Variants in CFAP299 observed in about 807,000 individuals in gnomAD.
The protein encoded by CFAP299 is cilia- and flagella-associated protein 299.
In CFAP299, 21 loss-of-function variants were observed where a neutral mutation model predicts 27.0. The ratio of observed to expected loss-of-function variants is 0.78; its 90% CI spans 0.55 to 1.12. The LOEUF (loss-of-function observed/expected upper bound fraction) is 1.12, where lower values mean the gene tolerates loss of function less well. Ranked by LOEUF, CFAP299 falls within the 50% of genes most tolerant of loss-of-function variation. The pLI is 0.00. For missense variants in CFAP299, 310 were observed against 276.6 expected (o/e 1.12, Z -0.86); for synonymous variants, 104 against 98.1 (o/e 1.06, Z -0.36).
At chr4:80,500,301 C>CA (rs1731678199) in intron 2 of CFAP299, among the ~76,000 whole-genome samples, 1 of 152,128 alleles carries the variant, frequency 6.6e-6, no homozygotes, top group South Asian at 2.1e-4. Flanking sequence ...TGGCATCTGC[C>CA]ATTCCATGGA....
intron 3 of CFAP299, chr4:80,608,405 G>A: frequency 3.4e-6 from 5 of 1,485,140 alleles, no homozygotes; most frequent in Non-Finnish European, 9.1e-7. Context: ...TTATGGAAAA[G>A]TTTCCTTTAC....
chr4:80,521,236 C>G (rs1239288340), intron 2 of CFAP299, among the ~76,000 whole-genome samples: 1 of 151,970 alleles, frequency 6.6e-6, no homozygotes, highest in African/African-American at 2.4e-5. Flanking sequence ...AGACATTTCC[C>G]CAAATGAGAT....
At chr4:80,465,249 A>G (rs1234195594) in intron 2 of CFAP299, among the ~76,000 whole-genome samples, 1 of 152,246 alleles carries the variant, frequency 6.6e-6, no homozygotes, top group African/African-American at 2.4e-5. Flanking sequence ...TAATTTGGAT[A>G]ACTCAATTAA....
chr4:80,503,033 G>A (rs943336143), intron 2 of CFAP299, among the ~76,000 whole-genome samples: 1 of 152,152 alleles, frequency 6.6e-6, no homozygotes, highest in African/African-American at 2.4e-5. Context: ...GAAGGCAGTG[G>A]TGGAAATAAT....
At chr4:80,674,213 C>G (rs1487906585) in intron 3 of CFAP299, among the ~76,000 whole-genome samples, 1 of 152,060 alleles carries the variant, frequency 6.6e-6, no homozygotes, top group African/African-American at 2.4e-5. Flanking sequence ...TTAGGGCAGG[C>G]CTGGTGGTGA....
At chr4:80,945,326 C>A (rs1174810470) in intron 5 of CFAP299, among the ~76,000 whole-genome samples, 3 of 152,044 alleles carry the variant, frequency 2.0e-5, no homozygotes. Context: ...ACATTTGTAC[C>A]CAGAATTCTA....
intron 2 of CFAP299, among the ~76,000 whole-genome samples, chr4:80,456,575 CTT>C (rs1444982502): frequency 6.6e-6 from 1 of 152,044 alleles, no homozygotes; most frequent in Non-Finnish European, 1.5e-5. Flanking sequence ...TCAAGGATGA[CTT>C]TGGTTTTACC....
At chr4:80,591,487 C>T (rs112823756) in intron 3 of CFAP299, among the ~76,000 whole-genome samples, 24 of 152,228 alleles carry the variant, frequency 1.6e-4, no homozygotes, top group African/African-American at 5.1e-4. Context: ...CGAACTTTGG[C>T]GTGGCACCTC....
chr4:80,749,397 T>C (rs1484537411), intron 3 of CFAP299, among the ~76,000 whole-genome samples: 4 of 152,168 alleles, frequency 2.6e-5, no homozygotes, highest in Admixed American at 6.5e-5. Flanking sequence ...CTTACATTAG[T>C]CTGGGTTCTC....
chr4:80,724,115 T>G (rs548144619), intron 3 of CFAP299, among the ~76,000 whole-genome samples: 1 of 152,168 alleles, frequency 6.6e-6, no homozygotes, highest in Non-Finnish European at 1.5e-5. Flanking sequence ...GTTAGAAATG[T>G]CACTAAAATA....
chr4:80,547,190 A>T (rs1287175833), intron 2 of CFAP299, among the ~76,000 whole-genome samples: 1 of 152,134 alleles, frequency 6.6e-6, no homozygotes, highest in Non-Finnish European at 1.5e-5. Context: ...ACACAGACCA[A>T]TGGAAAAGGA....
chr4:80,534,074 C>T (rs556925413), intron 2 of CFAP299, among the ~76,000 whole-genome samples: 55 of 152,156 alleles, frequency 3.6e-4, no homozygotes, highest in African/African-American at 1.3e-3. Context: ...GTAAAGTAAA[C>T]TAACATCTAC....
intron 3 of CFAP299, among the ~76,000 whole-genome samples, chr4:80,834,405 A>C (rs766491349): frequency 4.2e-4 from 64 of 152,182 alleles, no homozygotes; most frequent in Non-Finnish European, 6.8e-4. Flanking sequence ...GGAACATAAT[A>C]AACTCTTGAT....
chr4:80,865,135 G>A (rs1351854976), intron 3 of CFAP299, among the ~76,000 whole-genome samples: 1 of 152,090 alleles, frequency 6.6e-6, no homozygotes, highest in Admixed American at 6.6e-5. Flanking sequence ...TATAAAATGA[G>A]GGTAATAATG....
chr4:80,581,979 A>G (rs1170896381), intron 2 of CFAP299, among the ~76,000 whole-genome samples: 1 of 151,852 alleles, frequency 6.6e-6, no homozygotes, highest in Non-Finnish European at 1.5e-5. Context: ...TATTTATAAC[A>G]ATATGTTTAT....
At chr4:80,608,522 T>C (rs890288210) in intron 3 of CFAP299, 6 of 531,538 alleles carry the variant, frequency 1.1e-5, no homozygotes, top group Admixed American at 8.9e-5. Context: ...CAGTCACAAG[T>C]AGTGCTTTTA....
intron 2 of CFAP299, among the ~76,000 whole-genome samples, chr4:80,483,052 G>A (rs1049955983): frequency 1.3e-5 from 2 of 152,174 alleles, no homozygotes; most frequent in African/African-American, 4.8e-5. Flanking sequence ...TAGGCAGCTG[G>A]TCTTAAATTA....
chr4:80,744,728 T>C (rs7655267), intron 3 of CFAP299, among the ~76,000 whole-genome samples: 9 of 152,296 alleles, frequency 5.9e-5, no homozygotes, highest in African/African-American at 2.2e-4. Context: ...ATTATAATAA[T>C]GTCAAGCCTC....
chr4:80,664,514 G>T (rs1005484633), intron 3 of CFAP299, among the ~76,000 whole-genome samples: 2 of 152,136 alleles, frequency 1.3e-5, no homozygotes, highest in East Asian at 1.9e-4. Context: ...CTTCCTGGCA[G>T]CTTTGTTTAC....
Sources: allele counts gnomAD v4.1 joint callset (sites outside exome capture counted in the v4.1 genomes callset), GRCh38; gene constraint gnomAD v4.1.1; transcripts MANE v1.5; gene names NCBI Gene and HGNC (gene_info 2026-07-23, HGNC 2026-07-21).